Variants in KIRREL1 observed in about 807,000 individuals in gnomAD.
KIRREL1 encodes the protein kin of IRRE-like protein 1.
A neutral mutation model predicts 83.3 loss-of-function variants in KIRREL1; 25 were observed. The ratio of observed to expected loss-of-function variants is 0.30; its 90% CI spans 0.22 to 0.42. KIRREL1 has a LOEUF of 0.42. Ranked by LOEUF, KIRREL1 falls within the 10% of genes least tolerant of loss-of-function variation. KIRREL1 has a pLI of 1.00. For missense variants in KIRREL1, 812 were observed against 1,032.3 expected (o/e 0.79, Z 2.92); for synonymous variants, 388 against 410.4 (o/e 0.95, Z 0.66).
Position 158,016,714 on chromosome 1 carries a change from A to G in KIRREL1, c.52+22986A>G, listed in dbSNP as rs145510504. Among the ~76,000 whole-genome samples, 541 of 152,320 alleles carry G rather than the reference A, an allele frequency of 3.6e-3. 3 individuals carry two copies. Among genetic ancestry groups the G allele is most frequent in the Admixed American group, 9.8e-3 (150 of 15,300 alleles). Reference sequence around the variant, plus strand: ...GGCAAAGGGAATCAGCCTGCCTGGGATTAAGATTTTTCCATGGTTAATCTC... The same window carrying G: ...GGCAAAGGGAATCAGCCTGCCTGGGGTTAAGATTTTTCCATGGTTAATCTC... On this transcript the variant is annotated intron_variant, in intron 1 of 14. Coordinates refer to ENST00000359209, the MANE Select transcript of KIRREL1 (RefSeq NM_018240.7).
chr1:157,993,730 TA>T lies in KIRREL1; in HGVS notation c.52+4del. On this transcript the variant is annotated splice_donor_region_variant and intron_variant, in intron 1 of 14. Coordinates refer to ENST00000359209, the MANE Select transcript of KIRREL1 (RefSeq NM_018240.7). The stretch of plus-strand genomic sequence containing the variant: ...CTCTCTCCGATACTTTCTCCCAAGG[TA>T]AGGGCCCCCAGCCCACCCCCGGACG... 6.7e-7 allele frequency: 1 copy of T among 1,490,632 alleles called. No individual in the cohort carries two copies. The highest frequency in any genetic ancestry group is 8.9e-7 in the Non-Finnish European group (1 of 1,117,830). The allele number at this position is 1,490,632 out of a possible 1,614,324, so 92.3% of individuals were successfully genotyped here.
Position 158,084,003 on chromosome 1 carries a change from G to A in KIRREL1, c.353-419G>A, listed in dbSNP as rs149009681. ...AAATTAGCTGGGAGCAGTGGTGGGC[G>A]CCTATAATCCCAGCTACTTGGGAGG... is the stretch of plus-strand genomic sequence containing the variant. On this transcript the variant is annotated intron_variant, in intron 3 of 14. Coordinates refer to ENST00000359209, the MANE Select transcript of KIRREL1 (RefSeq NM_018240.7). Among the ~76,000 whole-genome samples the A allele has an allele frequency of 8.1e-4, 123 of 152,184 alleles. 3 individuals carry two copies. In the East Asian group the frequency reaches 0.02, roughly 25 times the overall value.
At chr1:158,079,324 G>C (rs1661778530) in intron 3 of KIRREL1, among the ~76,000 whole-genome samples, 1 of 152,080 alleles carries the variant, frequency 6.6e-6, no homozygotes, top group East Asian at 1.9e-4. Context: ...TTGGTTGGTT[G>C]ATTGGTTGGT....
At chr1:158,086,423 AACACACACAC>A (rs61585802) in intron 4 of KIRREL1, among the ~76,000 whole-genome samples, 163 bp from the exon 5 acceptor site, 37 of 148,396 alleles carry the variant, frequency 2.5e-4, no homozygotes, top group African/African-American at 8.1e-4. Flanking sequence ...CTATTGATTA[AACACACACAC>A]ACACACACAC....
chr1:158,056,733 A>G (rs1661073806), intron 1 of KIRREL1, among the ~76,000 whole-genome samples: 1 of 152,152 alleles, frequency 6.6e-6, no homozygotes, highest in Admixed American at 6.5e-5. Flanking sequence ...AAGTGTTAAT[A>G]ATGCATCACG....
At chr1:158,049,364 G>A (rs1266724577) in intron 1 of KIRREL1, among the ~76,000 whole-genome samples, 2 of 152,344 alleles carry the variant, frequency 1.3e-5, no homozygotes, top group East Asian at 3.9e-4. Context: ...AGCTGGAACT[G>A]TGTCTTGATG....
At chr1:158,077,617 C>T (rs1230391174) in intron 2 of KIRREL1, among the ~76,000 whole-genome samples, 8 of 152,310 alleles carry the variant, frequency 5.3e-5, no homozygotes, top group Middle Eastern at 6.8e-3. Context: ...GTCTGTGCTG[C>T]GATGCCCTAT....
Position 158,096,105 on chromosome 1 carries a change from C to G in KIRREL1, c.*985C>G, listed in dbSNP as rs1460858280. On this transcript the variant is annotated 3_prime_UTR_variant, in exon 15 of 15. Coordinates refer to ENST00000359209, the MANE Select transcript of KIRREL1 (RefSeq NM_018240.7). ...TGGGAAGAAAAGCTGTAGGGATTCC[C>G]CCACCCAAATACAAGTCCCAGTGGA... The G allele has an allele frequency of 6.4e-6, 1 of 155,816 alleles. No individual in the cohort carries two copies. The highest frequency in any genetic ancestry group is 1.4e-5 in the Non-Finnish European group (1 of 70,398). 9.7% of individuals were successfully genotyped at this position (155,816 alleles called of 1,614,324 possible). A position where few individuals can be genotyped will look rare whatever the true frequency, so the allele number is the denominator to read the frequency against.
At position 158,061,939 on chromosome 1, in the gene KIRREL1, GCT is replaced by G. The variant is rs1267700703; in HGVS notation, c.53-14167_53-14166del. Among the ~76,000 whole-genome samples, 10 of 152,264 alleles carry G rather than the reference GCT, an allele frequency of 6.6e-5. No individual in the cohort carries two copies. The South Asian group carries it at 1.2e-3, about 19-fold the overall frequency. Reference sequence around the variant, plus strand: ...TGGCTGGCATGTGGACAAGTAGGTTGCTCTCTCTTTCTGCTAATACTTGCCTC... The same window carrying G: ...TGGCTGGCATGTGGACAAGTAGGTTGCTCTCTTTCTGCTAATACTTGCCTC... On this transcript the variant is annotated intron_variant, in intron 1 of 14. Transcript: ENST00000359209.
At chr1:158,065,827 GTC>G (rs1028305392) in intron 1 of KIRREL1, among the ~76,000 whole-genome samples, 17 of 152,062 alleles carry the variant, frequency 1.1e-4, no homozygotes, top group Non-Finnish European at 2.4e-4. Flanking sequence ...AGACCCCACT[GTC>G]TCTGCCGCCT....
At chr1:158,072,020 T>C (rs1661529801) in intron 1 of KIRREL1, among the ~76,000 whole-genome samples, 1 of 152,154 alleles carries the variant, frequency 6.6e-6, no homozygotes, top group Admixed American at 6.5e-5. Context: ...CTTTCTAGGC[T>C]TTCTCCTCTG....
chr1:158,072,628 A>G (rs1289628069), intron 1 of KIRREL1, among the ~76,000 whole-genome samples: 1 of 152,002 alleles, frequency 6.6e-6, no homozygotes, highest in African/African-American at 2.4e-5. Flanking sequence ...AGGCCTGTGC[A>G]AGGGCATGAA....
At chr1:158,002,775 G>A (rs1435149131) in intron 1 of KIRREL1, among the ~76,000 whole-genome samples, 1 of 152,172 alleles carries the variant, frequency 6.6e-6, no homozygotes, top group East Asian at 1.9e-4. Context: ...GGCCACAGAT[G>A]TGAGGCTCAG....
intron 1 of KIRREL1, among the ~76,000 whole-genome samples, chr1:157,994,814 C>A (rs576622130): frequency 6.6e-5 from 10 of 152,154 alleles, no homozygotes; most frequent in Non-Finnish European, 1.2e-4. Context: ...ATCCCCCACA[C>A]TGAGACAGAC....
At chr1:158,078,562 G>A (rs1400510595) in intron 3 of KIRREL1, among the ~76,000 whole-genome samples, 1 of 152,040 alleles carries the variant, frequency 6.6e-6, no homozygotes. Context: ...GACCCCAAAC[G>A]GCCCCCGTGC....
At chr1:158,032,642 C>T (rs568961938) in intron 1 of KIRREL1, among the ~76,000 whole-genome samples, 2 of 152,326 alleles carry the variant, frequency 1.3e-5, no homozygotes, top group East Asian at 1.9e-4. Flanking sequence ...CTCTGGATAT[C>T]CCTTCCTTTA....
At chr1:158,036,685 G>C (rs1241253623) in intron 1 of KIRREL1, among the ~76,000 whole-genome samples, 1 of 152,118 alleles carries the variant, frequency 6.6e-6, no homozygotes, top group Non-Finnish European at 1.5e-5. Flanking sequence ...GTGCAGTCTC[G>C]GTCAGCTCAC....
intron 1 of KIRREL1, among the ~76,000 whole-genome samples, chr1:158,030,082 A>G (rs1283763141): frequency 6.6e-6 from 1 of 152,168 alleles, no homozygotes; most frequent in Non-Finnish European, 1.5e-5. Context: ...TTTCTCAGGT[A>G]TGGAAATTGA....
rs984921826 is a variant in KIRREL1 at position 158,097,148 on chromosome 1, G to C, written c.*2028G>C. 1 of 448,706 alleles carries C rather than the reference G, an allele frequency of 2.2e-6. No homozygotes were observed. The allele number at this position is 448,706 out of a possible 1,614,324, so 27.8% of individuals were successfully genotyped here. Reference sequence around the variant, plus strand: ...TTCCAGCTGTATTCCATCCCTGGAAGCTGATACCTTTCTATAGAGTCCTTT... The same window carrying C: ...TTCCAGCTGTATTCCATCCCTGGAACCTGATACCTTTCTATAGAGTCCTTT... On this transcript the variant is annotated 3_prime_UTR_variant, in exon 15 of 15. Coordinates refer to ENST00000359209, the MANE Select transcript of KIRREL1 (RefSeq NM_018240.7).
Sources: gnomAD v4.1 joint callset for allele counts (sites outside exome capture counted in the v4.1 genomes callset) on GRCh38, gnomAD v4.1.1 for gene constraint, MANE v1.5 for transcripts, NCBI Gene and HGNC (gene_info 2026-07-23, HGNC 2026-07-21) for gene names.